Variants in PPP6R3 observed in about 807,000 individuals in gnomAD.
PPP6R3 encodes serine/threonine-protein phosphatase 6 regulatory subunit 3.
In PPP6R3, 38 loss-of-function variants were observed where a neutral mutation model predicts 110.7. The ratio of observed to expected loss-of-function variants is 0.34; its 90% CI spans 0.26 to 0.45. The LOEUF is 0.45. Among genes scored for constraint, PPP6R3 ranks in the 20% least tolerant of loss-of-function variants. The pLI, the probability that PPP6R3 is intolerant of heterozygous loss-of-function variation, is 1.00. For synonymous variants in PPP6R3, 369 were observed against 373.5 expected (o/e 0.99, Z 0.14); for missense variants, 870 against 1,062.4 (o/e 0.82, Z 2.52).
intron 8 of PPP6R3, among the ~76,000 whole-genome samples, chr11:68,561,957 T>C (rs2099425128): frequency 6.6e-6 from 1 of 151,976 alleles, no homozygotes; most frequent in Non-Finnish European, 1.5e-5. Context: ...CGATGGAGTC[T>C]GTGTTGCTAC....
chr11:68,479,633 T>G (rs909350027), intron 1 of PPP6R3, among the ~76,000 whole-genome samples: 2 of 152,180 alleles, frequency 1.3e-5, no homozygotes, highest in African/African-American at 4.8e-5. Flanking sequence ...GCTTCTAACC[T>G]CTTTCTTTCA....
intron 1 of PPP6R3, among the ~76,000 whole-genome samples, chr11:68,496,417 C>T (rs555564013): frequency 1.3e-4 from 20 of 152,202 alleles, no homozygotes; most frequent in South Asian, 6.2e-4. Context: ...TTCAAGCAGT[C>T]CTCCTGCCTT....
chr11:68,588,582 T>TTAG (rs1169367348), intron 16 of PPP6R3, among the ~76,000 whole-genome samples: 1 of 151,764 alleles, frequency 6.6e-6, no homozygotes, highest in Non-Finnish European at 1.5e-5. Flanking sequence ...CTCAGCCTCC[T>TTAG]TAGTAGCTGG....
chr11:68,474,168 C>T (rs1202719182), intron 1 of PPP6R3, among the ~76,000 whole-genome samples: 1 of 151,990 alleles, frequency 6.6e-6, no homozygotes, highest in African/African-American at 2.4e-5. Flanking sequence ...CTTCAGCCTC[C>T]CGAGTAGCTG....
chr11:68,595,929 C>T (rs1160134725), intron 18 of PPP6R3, among the ~76,000 whole-genome samples, 168 bp from the exon 19 acceptor site: 1 of 152,192 alleles, frequency 6.6e-6, no homozygotes, highest in African/African-American at 2.4e-5. Context: ...GGGCAGCACG[C>T]ACGCAAAGCT....
intron 1 of PPP6R3, among the ~76,000 whole-genome samples, chr11:68,471,871 G>A (rs1203484455): frequency 6.6e-6 from 1 of 151,990 alleles, no homozygotes; most frequent in Non-Finnish European, 1.5e-5. Flanking sequence ...AGGAGGGAGA[G>A]CAGACTAGGG....
Position 68,574,165 on chromosome 11 carries a change from G to A in PPP6R3, c.1400G>A (p.Cys467Tyr). 5 of 1,614,078 alleles carry A rather than the reference G, an allele frequency of 3.1e-6. No individual in the cohort carries two copies. The highest frequency in any genetic ancestry group is 4.2e-6 in the Non-Finnish European group (5 of 1,179,938). ...YMGHLTRIAN[C>Y]IVHSTDKGPN... The stretch of plus-strand genomic sequence containing the variant: ...GGACACCTAACGAGGATAGCTAACT[G>A]TATCGTGCACAGCACTGACAAGGGC... The change falls in exon 13 of 24, where the codon TGT becomes TAT. Residue 467 changes from cysteine to tyrosine, a missense_variant. Physicochemically the swap from Cys to Tyr is radical, Grantham distance 194. Transcript: ENST00000393800.
chr11:68,523,583 A>C (rs2099175457), intron 2 of PPP6R3, among the ~76,000 whole-genome samples: 1 of 150,916 alleles, frequency 6.6e-6, no homozygotes, highest in South Asian at 2.1e-4. Flanking sequence ...ATGGAACTAC[A>C]CTCAGTACCT....
intron 6 of PPP6R3, among the ~76,000 whole-genome samples, chr11:68,552,405 A>G (rs771424842): frequency 1.1e-4 from 16 of 152,224 alleles, no homozygotes; most frequent in Non-Finnish European, 1.9e-4. Flanking sequence ...CCATTCAGAA[A>G]CTTTTCATAC....
intron 3 of PPP6R3, among the ~76,000 whole-genome samples, chr11:68,539,138 G>A (rs544348026): frequency 4.6e-5 from 7 of 152,284 alleles, no homozygotes; most frequent in African/African-American, 1.2e-4. Context: ...CTAGCATGTG[G>A]GTGGTGCTAC....
intron 9 of PPP6R3, among the ~76,000 whole-genome samples, chr11:68,566,257 CTGCTGT>C (rs1211453358): frequency 2.0e-5 from 3 of 151,696 alleles, no homozygotes; most frequent in Non-Finnish European, 2.9e-5. Context: ...GCTGCTGCTG[CTGCTGT>C]TGCTACTACT....
chr11:68,469,555 T>C (rs1471862296), intron 1 of PPP6R3, among the ~76,000 whole-genome samples: 14 of 151,992 alleles, frequency 9.2e-5, no homozygotes, highest in Admixed American at 9.2e-4. Context: ...TTTTTTTTTT[T>C]TCTTGTAGAG....
chr11:68,582,040 T>G (rs1167752002), intron 14 of PPP6R3, among the ~76,000 whole-genome samples: 1 of 152,194 alleles, frequency 6.6e-6, no homozygotes, highest in East Asian at 1.9e-4. Context: ...TACTGTGGGT[T>G]TATTGAACCA....
intron 1 of PPP6R3, among the ~76,000 whole-genome samples, chr11:68,497,151 A>G (rs1425266399): frequency 6.3e-5 from 9 of 142,600 alleles, no homozygotes; most frequent in African/African-American, 2.4e-4. Flanking sequence ...GGTTCACGCC[A>G]TTCTCCTGCC....
chr11:68,544,495 A>T (rs1565732800), intron 3 of PPP6R3, among the ~76,000 whole-genome samples: 1 of 152,218 alleles, frequency 6.6e-6, no homozygotes, highest in African/African-American at 2.4e-5. Flanking sequence ...AGGAGGCTGT[A>T]GCCTGATGGC....
At chr11:68,477,734 AAAAAAAAATATATATAT>A (rs1165101362) in intron 1 of PPP6R3, among the ~76,000 whole-genome samples, 1 of 81,916 alleles carries the variant, frequency 1.2e-5, no homozygotes, top group African/African-American at 4.4e-5. Flanking sequence ...CTCTTAAAAA[AAAAAAAAATATATATAT>A]ATATATATAT....
intron 1 of PPP6R3, among the ~76,000 whole-genome samples, chr11:68,465,131 C>T (rs920130351): frequency 6.6e-6 from 1 of 152,232 alleles, no homozygotes; most frequent in African/African-American, 2.4e-5. Context: ...ATCCGCCCGC[C>T]TCGGCCTCCC....
chr11:68,577,483 C>G (rs1258067735), intron 14 of PPP6R3, among the ~76,000 whole-genome samples: 1 of 152,116 alleles, frequency 6.6e-6, no homozygotes, highest in Non-Finnish European at 1.5e-5. Context: ...TAAAATTATC[C>G]TTTGATTGGC....
At chr11:68,567,187 A>G in intron 10 of PPP6R3, 21 bp downstream of exon 10, 1 of 1,517,904 alleles carries the variant, frequency 6.6e-7, no homozygotes, top group Admixed American at 2.2e-5. Context: ...CCCTGCTCAC[A>G]GACATTTTAA....
Sources: gnomAD v4.1 joint callset for allele counts (sites outside exome capture counted in the v4.1 genomes callset) on GRCh38, gnomAD v4.1.1 for gene constraint, MANE v1.5 for transcripts, NCBI Gene and HGNC (gene_info 2026-07-23, HGNC 2026-07-21) for gene names.